ACADL: variants seen among roughly 807,000 people sequenced by gnomAD.
The protein encoded by ACADL is acyl-CoA dehydrogenase long chain.
ACADL carries 60 observed loss-of-function variants against 56.9 expected under a neutral mutation model. The ratio of observed to expected loss-of-function variants is 1.05; its 90% confidence interval spans 0.86 to 1.31. The LOEUF is 1.31. Among genes scored for constraint, ACADL ranks in the 50% most tolerant of loss-of-function variants. The pLI is 0.00. For synonymous variants in ACADL, 158 were observed against 179.7 expected (o/e 0.88, Z 0.97); for missense variants, 484 against 525.5 (o/e 0.92, Z 0.77).
chr2:210,193,325 G>A (rs761398180), intron 9 of ACADL, among the ~76,000 whole-genome samples: 32 of 152,120 alleles, frequency 2.1e-4, no homozygotes, highest in Middle Eastern at 3.4e-3. Context: ...TGAAGATCAC[G>A]ATTCTGAATT....
At chr2:210,218,313 G>A (rs1689123243) in intron 2 of ACADL, among the ~76,000 whole-genome samples, 2 of 119,498 alleles carry the variant, frequency 1.7e-5, no homozygotes, top group Non-Finnish European at 3.4e-5. Context: ...TTTGAGACAG[G>A]ACTGTCACCC....
chr2:210,218,942 C>CCTCA (rs1689133787), intron 2 of ACADL, among the ~76,000 whole-genome samples: 1 of 152,092 alleles, frequency 6.6e-6, no homozygotes, highest in Non-Finnish European at 1.5e-5. Flanking sequence ...AGGTAGGCAA[C>CCTCA]CTCAGCTTTT....
At chr2:210,222,091 T>TTTAG (rs1385876604) in intron 1 of ACADL, among the ~76,000 whole-genome samples, 3 of 152,190 alleles carry the variant, frequency 2.0e-5, no homozygotes, top group African/African-American at 7.2e-5. Context: ...TATTCATTCA[T>TTTAG]TTAGTTAGCA....
intron 9 of ACADL, among the ~76,000 whole-genome samples, chr2:210,194,347 G>A (rs1259107878): frequency 6.6e-6 from 1 of 152,056 alleles, no homozygotes; most frequent in Non-Finnish European, 1.5e-5. Context: ...TTCTACCTGT[G>A]ATTGAACTGA....
intron 9 of ACADL, among the ~76,000 whole-genome samples, chr2:210,194,618 T>G (rs1688680473): frequency 6.6e-6 from 1 of 152,210 alleles, no homozygotes; most frequent in Admixed American, 6.5e-5. Flanking sequence ...TATTCTCCTT[T>G]CACTTAATAG....
chr2:210,220,670 T>G lies in ACADL; in HGVS notation c.210A>C (p.Glu70Asp), dbSNP rs757203216. 3 of 1,613,338 alleles carry G rather than the reference T, an allele frequency of 1.9e-6. No individual in the cohort carries two copies. The East Asian group carries it at 6.7e-5, about 36-fold the overall frequency. Residue 70 changes from glutamate to aspartate, a missense_variant, in exon 2 of 11, where the codon GAA becomes GAC. Physicochemically the swap from Glu to Asp is conservative, Grantham distance 45 (BLOSUM62 2). Transcript: ENST00000233710. ...FRKSVRKFFQ[E>D]EVIPHHSEWE... ...ACTCTGAGTGATGAGGAATCACTTC[T>G]TCTTGGAAAAACTTCCTTACACTTT...
intron 10 of ACADL, among the ~76,000 whole-genome samples, chr2:210,191,129 T>C (rs2125707928): frequency 6.6e-6 from 1 of 152,196 alleles, no homozygotes; most frequent in East Asian, 1.9e-4. Context: ...CCCAGGCTGG[T>C]CTTGAACTCT....
intron 4 of ACADL, among the ~76,000 whole-genome samples, chr2:210,214,501 A>AAGAAAGAAAGAAAGAAAGAAAGAAAG (rs1419261943): frequency 1.0e-4 from 15 of 150,730 alleles, no homozygotes; most frequent in African/African-American, 3.7e-4. Flanking sequence ...GAAAGAAAGA[A>AAGAAAGAAAGAAAGAAAGAAAGAAAG]AGAAAGAAAA....
chr2:210,207,908 AGAG>A (rs1688915008), intron 5 of ACADL, among the ~76,000 whole-genome samples: 2 of 152,330 alleles, frequency 1.3e-5, no homozygotes, highest in South Asian at 4.1e-4. Context: ...TTTTTGGCAC[AGAG>A]GAGGCCAAAG....
Position 210,225,352 on chromosome 2 carries a change from A to C in ACADL, c.-89T>G. ...AGGGTCCCCGGGAGGGAGGACGATC[A>C]GCTGAGGCGTCCACCTGTGGTGTCC... On this transcript the variant is annotated 5_prime_UTR_variant, in exon 1 of 11. Transcript: ENST00000233710. 1 of 1,409,072 alleles carries C rather than the reference A, an allele frequency of 7.1e-7. No homozygotes were observed. Among genetic ancestry groups the C allele is most frequent in the Non-Finnish European group, 9.6e-7 (1 of 1,040,632 alleles). The allele number at this position is 1,409,072 out of a possible 1,614,324, so 87.3% of individuals were successfully genotyped here.
intron 10 of ACADL, among the ~76,000 whole-genome samples, chr2:210,189,875 C>T (rs1155845): frequency 0.88 from 134,415 of 152,190 alleles, 59,606 homozygotes; most frequent in East Asian, 1. Context: ...TAATGGTCAC[C>T]AACAACACAT....
chr2:210,203,682 T>C (rs1688836650), intron 7 of ACADL, among the ~76,000 whole-genome samples: 1 of 152,164 alleles, frequency 6.6e-6, no homozygotes, highest in South Asian at 2.1e-4. Flanking sequence ...TATAATCTTT[T>C]TAAATTTTTA....
chr2:210,189,415 A>G (rs1688596357), intron 10 of ACADL, among the ~76,000 whole-genome samples: 1 of 152,168 alleles, frequency 6.6e-6, no homozygotes, highest in Non-Finnish European at 1.5e-5. Context: ...GTTTCTTTTT[A>G]TCTTTAATGT....
chr2:210,213,987 C>T (rs990364528), intron 4 of ACADL, among the ~76,000 whole-genome samples: 1 of 151,662 alleles, frequency 6.6e-6, no homozygotes, highest in African/African-American at 2.4e-5. Flanking sequence ...TTCAGACCAG[C>T]CTGGGAAATA....
At chr2:210,204,523 A>G (rs761648820) in intron 7 of ACADL, 58 bp downstream of exon 7, 18 of 1,260,014 alleles carry the variant, frequency 1.4e-5, no homozygotes, top group East Asian at 4.6e-5. Flanking sequence ...ATGTTTCTAT[A>G]TTATTCTATT....
At chr2:210,214,509 A>AAGAAAGAAAGAAAGAAAGAAAGAAAAAG (rs1553690970) in intron 4 of ACADL, among the ~76,000 whole-genome samples, 366 of 18,776 alleles carry the variant, frequency 0.019, 4 homozygotes, top group African/African-American at 0.028. Context: ...GAAAGAAAGA[A>AAGAAAGAAAGAAAGAAAGAAAGAAAAAG]AAAGAAAGAA....
chr2:210,214,519 A>AAGAAAGAAAGAAAGAAAAAGAAAGAG (rs1575679680), intron 4 of ACADL, among the ~76,000 whole-genome samples: 1 of 151,386 alleles, frequency 6.6e-6, no homozygotes, highest in East Asian at 1.9e-4. Context: ...AAAAGAAAGA[A>AAGAAAGAAAGAAAGAAAAAGAAAGAG]AGAAAGAAAG....
chr2:210,218,191 A>G, intron 2 of ACADL, 89 bp from the exon 3 acceptor site: 1 of 1,283,156 alleles, frequency 7.8e-7, no homozygotes, highest in Non-Finnish European at 1.1e-6. Flanking sequence ...TTTTGTGTAG[A>G]AATGCATTCT....
At chr2:210,212,967 A>G (rs1297111669) in intron 4 of ACADL, among the ~76,000 whole-genome samples, 4 of 152,194 alleles carry the variant, frequency 2.6e-5, no homozygotes, top group Admixed American at 6.5e-5. Context: ...AGTACTCATA[A>G]GAGTGGCTTA....
Sources: gnomAD v4.1 joint callset for allele counts (sites outside exome capture counted in the v4.1 genomes callset) on GRCh38, gnomAD v4.1.1 for gene constraint, MANE v1.5 for transcripts, NCBI Gene and HGNC (gene_info 2026-07-23, HGNC 2026-07-21) for gene names.